The following NCOR1 variants were observed in gnomAD, a reference collection of about 807,000 sequenced individuals.
NCOR1 encodes nuclear receptor corepressor 1, also known as protein phosphatase 1, regulatory subunit 109.
Under a neutral mutation model 288.1 loss-of-function variants are expected in NCOR1, and 63 were observed. The observed-to-expected ratio is 0.22, with a 90% CI of 0.18 to 0.27. NCOR1 has a LOEUF of 0.27. Among genes scored for constraint, NCOR1 ranks in the 10% least tolerant of loss-of-function variants. NCOR1 has a pLI of 1.00. For synonymous variants in NCOR1, 1,007 were observed against 1,065.9 expected, an observed-to-expected ratio of 0.94 and a Z score of 1.08; for missense variants, 2,397 against 3,019.2, an observed-to-expected ratio of 0.79 and a Z score of 4.83.
chr17:16,080,393 A>G lies in NCOR1; in HGVS notation c.3400+15T>C. 6.3e-7 allele frequency: 1 copy of G among 1,592,368 alleles called. No homozygotes were observed. Among genetic ancestry groups the G allele is most frequent in the South Asian group, 1.1e-5 (1 of 88,354 alleles). On this transcript the variant is annotated intron_variant, in intron 25 of 45. Coordinates refer to ENST00000268712, the MANE Select transcript of NCOR1 (RefSeq NM_006311.4). ...GGACAAAAGTTTAACATTTCTGCCA[A>G]CCAGCATATTTTACCTCTGACTACA...
At chr17:16,151,638 A>C in intron 8 of NCOR1, 2 of 1,380,452 alleles carry the variant, frequency 1.4e-6, no homozygotes, top group South Asian at 2.4e-5. Context: ...ACAAAACAGG[A>C]GGCAAAAAAT....
chr17:16,213,578 G>T (rs971875002), intron 1 of NCOR1, among the ~76,000 whole-genome samples: 3 of 150,578 alleles, frequency 2.0e-5, no homozygotes, highest in Non-Finnish European at 4.4e-5. Flanking sequence ...CTACAAGATA[G>T]AAAGTGTAAA....
rs752149279 is a variant in NCOR1, at chr17:16,101,484, G to A, written c.2456C>T (p.Ala819Val). ...CCTCACTTCAACGTCCACAGAGTCA[G>A]CTTTGGTAGCGGGTGGGGGATCACA... ...SVCDPPPATK[A>V]DSVDVEVRVP... Residue 819 changes from alanine to valine, a missense_variant, in exon 20 of 46, where the codon GCT becomes GTT. Around this residue, in one of 11 missense-constraint regions of NCOR1, gnomAD observed 1,872 missense variants for 2,187.8 expected, o/e 0.86. Transcript: ENST00000268712. The A allele has an allele frequency of 1.2e-6, 2 of 1,614,074 alleles. No homozygotes were observed. The highest frequency in any genetic ancestry group is 1.7e-6 in the Non-Finnish European group (2 of 1,180,040).
At chr17:16,129,070 C>G (rs1000593053) in intron 14 of NCOR1, among the ~76,000 whole-genome samples, 1 of 152,204 alleles carries the variant, frequency 6.6e-6, no homozygotes, top group Non-Finnish European at 1.5e-5. Context: ...TATGCCTTGA[C>G]ATTATTTTTC....
At chr17:16,129,319 A>G (rs1334718103) in intron 14 of NCOR1, among the ~76,000 whole-genome samples, 3 of 152,144 alleles carry the variant, frequency 2.0e-5, no homozygotes, top group African/African-American at 2.4e-5. Flanking sequence ...CTTTGTCCTC[A>G]TTGTGACCTT....
Position 16,121,205 on chromosome 17 carries a change from C to T in NCOR1, c.1699G>A (p.Ala567Thr), listed in dbSNP as rs201143393. ...TAEETEEREQATPRGRKTANS... is the reference protein window; with the variant it reads ...TAEETEEREQTTPRGRKTANS... ...GCAGTCTTTCGCCCCCGGGGTGTGG[C>T]TTGCTCTCTTTCCTCAGTTTCTTCT... Residue 567 changes from alanine (A) to threonine (T), a missense_variant, in exon 16 of 46, where the codon GCC becomes ACC. This residue lies in a region of NCOR1 where 113 missense variants were observed against 139.5 expected (regional missense o/e 0.81). Coordinates refer to ENST00000268712, the MANE Select transcript of NCOR1 (RefSeq NM_006311.4). 1.2e-6 allele frequency: 2 copies of T among 1,614,126 alleles called. No homozygotes were observed. Among genetic ancestry groups the T allele is most frequent in the African/African-American group, 1.3e-5 (1 of 75,052 alleles).
chr17:16,195,401 G>A (rs1393479404), intron 1 of NCOR1, among the ~76,000 whole-genome samples: 3 of 152,136 alleles, frequency 2.0e-5, no homozygotes, highest in Non-Finnish European at 4.4e-5. Context: ...AGCCTGGAAG[G>A]CGGAGGTTGC....
intron 8 of NCOR1, 111 bp downstream of exon 8, chr17:16,151,835 T>A: frequency 2.0e-6 from 2 of 1,001,916 alleles, no homozygotes; most frequent in South Asian, 2.8e-5. Flanking sequence ...ATTACACAAA[T>A]CTAAAACATA....
At chr17:16,033,054 C>T (rs1018247482) in intron 45 of NCOR1, among the ~76,000 whole-genome samples, 10 of 152,196 alleles carry the variant, frequency 6.6e-5, no homozygotes, top group South Asian at 4.1e-4. Context: ...CTTAAGAAAA[C>T]GCAAAAACAG....
intron 42 of NCOR1, 157 bp downstream of exon 42, chr17:16,046,794 G>A: frequency 1.2e-6 from 1 of 801,830 alleles, no homozygotes; most frequent in Non-Finnish European, 1.9e-6. Flanking sequence ...ACTCTTCATG[G>A]GCTGGCAGAC....
At chr17:16,096,373 T>G (rs1441046588) in intron 21 of NCOR1, among the ~76,000 whole-genome samples, 1 of 152,172 alleles carries the variant, frequency 6.6e-6, no homozygotes, top group Admixed American at 6.5e-5. Flanking sequence ...GAGTCAAATT[T>G]TACAGATTAT....
intron 35 of NCOR1, among the ~76,000 whole-genome samples, chr17:16,063,301 T>C (rs2152641421): frequency 1.3e-5 from 2 of 152,216 alleles, no homozygotes; most frequent in Non-Finnish European, 2.9e-5. Context: ...TACTTCATCC[T>C]CCTGAGTAGC....
chr17:16,138,005 A>C (rs941293999), intron 13 of NCOR1, 153 bp downstream of exon 13: 5 of 571,276 alleles, frequency 8.8e-6, no homozygotes, highest in Middle Eastern at 4.2e-4. Flanking sequence ...TTTCTCTAAT[A>C]ATTGTAATTA....
chr17:16,158,897 T>A, intron 5 of NCOR1, 24 bp from the exon 6 acceptor site: 6 of 1,524,696 alleles, frequency 3.9e-6, no homozygotes, highest in Non-Finnish European at 4.5e-6. Context: ...AAAGAAAGAG[T>A]CAAGCATGTG....
At chr17:16,045,359 C>T (rs2058485234) in intron 42 of NCOR1, among the ~76,000 whole-genome samples, 1 of 152,036 alleles carries the variant, frequency 6.6e-6, no homozygotes, top group Non-Finnish European at 1.5e-5. Flanking sequence ...AGTCTGTTTC[C>T]TCATCTACAA....
intron 21 of NCOR1, among the ~76,000 whole-genome samples, chr17:16,094,981 C>T (rs1363205239): frequency 2.0e-5 from 3 of 152,164 alleles, no homozygotes; most frequent in East Asian, 3.9e-4. Context: ...TCTGCCCGGC[C>T]GCCACCCCGT....
At chr17:16,170,107 C>CTCTGTGTGTGTG (rs112560553) in intron 4 of NCOR1, among the ~76,000 whole-genome samples, 1 of 147,580 alleles carries the variant, frequency 6.8e-6, no homozygotes, top group Non-Finnish European at 1.5e-5. Context: ...TATTTGCTTT[C>CTCTGTGTGTGTG]TGTGTGTGTG....
intron 1 of NCOR1, among the ~76,000 whole-genome samples, chr17:16,200,334 C>G (rs1314189207): frequency 6.6e-6 from 1 of 150,654 alleles, no homozygotes; most frequent in Non-Finnish European, 1.5e-5. Flanking sequence ...AAAACACACC[C>G]ACAAAAAAAA....
intron 21 of NCOR1, among the ~76,000 whole-genome samples, chr17:16,094,910 C>T (rs931626671): frequency 7.9e-5 from 12 of 152,064 alleles, no homozygotes; most frequent in Admixed American, 3.9e-4. Flanking sequence ...GATCTCGGCT[C>T]GCTACAACCT....
Sources: allele counts gnomAD v4.1 joint callset (sites outside exome capture counted in the v4.1 genomes callset), GRCh38; gene constraint gnomAD v4.1.1; regional missense constraint gnomAD v4.1.1; transcripts MANE v1.5; gene names NCBI Gene and HGNC (gene_info 2026-07-23, HGNC 2026-07-21).